The following FAM3B variants were observed in gnomAD, a reference collection of about 807,000 sequenced individuals.
FAM3B encodes FAM3 metabolism regulating signaling molecule B, also known as protein FAM3B.
In FAM3B, 29 loss-of-function variants were observed where a neutral mutation model predicts 28.4. That is an observed-to-expected ratio of 1.02 (90% CI 0.76 to 1.39). FAM3B has a LOEUF of 1.39. Ranked by LOEUF, FAM3B falls within the 40% of genes most tolerant of loss-of-function variation. FAM3B has a pLI of 0.00. For missense variants in FAM3B, 266 were observed against 293.9 expected (o/e 0.91, Z 0.69); for synonymous variants, 91 against 103.0 (o/e 0.88, Z 0.71).
rs2088753189 is a variant in FAM3B, at chr21:41,316,824, G to A, written c.-56G>A. The stretch of plus-strand genomic sequence containing the variant: ...GCCTTCCTGACCCAGGGGCTCCGCT[G>A]GCTGCGGTCGCCTGGGAGCTGCCGC... On this transcript the variant is annotated 5_prime_UTR_variant, in exon 1 of 8. Coordinates refer to ENST00000357985, the MANE Select transcript of FAM3B (RefSeq NM_058186.4). The A allele has an allele frequency of 4.9e-6, 7 of 1,424,964 alleles. 1 individual carries two copies. The Admixed American group carries it at 2.1e-4, about 42-fold the overall frequency. The allele number at this position is 1,424,964 out of a possible 1,614,324, so 88.3% of individuals were successfully genotyped here. A position where few individuals can be genotyped will look rare whatever the true frequency, so the allele number is the denominator to read the frequency against.
At chr21:41,340,591 A>G (rs1011365265) in intron 3 of FAM3B, among the ~76,000 whole-genome samples, 3 of 152,228 alleles carry the variant, frequency 2.0e-5, no homozygotes, top group African/African-American at 7.2e-5. Flanking sequence ...TTGAGAGGTA[A>G]CAAACATTCA....
chr21:41,316,968 CCAACCCTG>C, intron 1 of FAM3B, 70 bp downstream of exon 1: 1 of 1,228,978 alleles, frequency 8.1e-7, no homozygotes, highest in Non-Finnish European at 1.0e-6. Context: ...GCGTCGCTCC[CCAACCCTG>C]CCTGGGACCC....
At chr21:41,332,615 G>A (rs1322373349) in intron 2 of FAM3B, among the ~76,000 whole-genome samples, 1 of 152,078 alleles carries the variant, frequency 6.6e-6, no homozygotes, top group Admixed American at 6.5e-5. Context: ...TCTTTAATTG[G>A]TTGGTAAAAT....
At chr21:41,336,820 A>C (rs2088960182) in intron 2 of FAM3B, among the ~76,000 whole-genome samples, 1 of 152,180 alleles carries the variant, frequency 6.6e-6, no homozygotes, top group Non-Finnish European at 1.5e-5. Flanking sequence ...CTTTATTATC[A>C]TATAATTACC....
At chr21:41,316,663 C>T (rs985634513), upstream of FAM3B, 1 of 316,214 alleles carries the variant, frequency 3.2e-6, no homozygotes, top group Non-Finnish European at 5.7e-6. Context: ...CCGGGCACAG[C>T]CCGGGGCACA....
intron 5 of FAM3B, among the ~76,000 whole-genome samples, chr21:41,346,567 G>A (rs968209172): frequency 2.0e-5 from 3 of 152,242 alleles, no homozygotes; most frequent in Non-Finnish European, 4.4e-5. Flanking sequence ...CTCAGTGGTC[G>A]TGGTGTGGGT....
intron 7 of FAM3B, among the ~76,000 whole-genome samples, chr21:41,355,578 A>G (rs1255448717): frequency 1.3e-5 from 2 of 151,892 alleles, no homozygotes; most frequent in African/African-American, 4.8e-5. Context: ...CAAACAAACA[A>G]ACACAAAAGG....
At chr21:41,333,039 G>A (rs2088920447) in intron 2 of FAM3B, among the ~76,000 whole-genome samples, 1 of 148,744 alleles carries the variant, frequency 6.7e-6, no homozygotes. Context: ...GTTTATGTGA[G>A]ACCTTTTTTT....
At chr21:41,341,937 A>G (rs2089010388) in intron 3 of FAM3B, among the ~76,000 whole-genome samples, 1 of 152,230 alleles carries the variant, frequency 6.6e-6, no homozygotes, top group African/African-American at 2.4e-5. Context: ...ACAGCAAAAG[A>G]CACAGAGCAA....
At chr21:41,332,534 C>T (rs1015585873) in intron 2 of FAM3B, among the ~76,000 whole-genome samples, 1 of 152,134 alleles carries the variant, frequency 6.6e-6, no homozygotes, top group African/African-American at 2.4e-5. Context: ...ATGCTGGCCT[C>T]ATAAAGTGAG....
chr21:41,340,584 A>T (rs2088997169), intron 3 of FAM3B, among the ~76,000 whole-genome samples: 1 of 152,232 alleles, frequency 6.6e-6, no homozygotes, highest in Non-Finnish European at 1.5e-5. Flanking sequence ...CATGAGTTTG[A>T]GAGGTAACAA....
intron 5 of FAM3B, 77 bp downstream of exon 5, chr21:41,345,813 T>A (rs962344197): frequency 2.1e-6 from 2 of 961,552 alleles, no homozygotes; most frequent in East Asian, 2.6e-5. Context: ...AAGAAAAATG[T>A]CAACCATTTT....
intron 7 of FAM3B, 76 bp downstream of exon 7, chr21:41,348,800 G>T: frequency 6.5e-7 from 1 of 1,527,254 alleles, no homozygotes. Flanking sequence ...GTTCCTGGTG[G>T]GTTATAACTC....
At chr21:41,315,333 T>C (rs1159944065), upstream of FAM3B, among the ~76,000 whole-genome samples, 1 of 152,140 alleles carries the variant, frequency 6.6e-6, no homozygotes, top group African/African-American at 2.4e-5. Flanking sequence ...TTTTGCAAGA[T>C]GAAAAAGTTC....
At chr21:41,345,854 T>TC in intron 5 of FAM3B, 118 bp downstream of exon 5, 2 of 693,536 alleles carry the variant, frequency 2.9e-6, no homozygotes, top group Non-Finnish European at 5.2e-6. Flanking sequence ...CGCCAGCAGC[T>TC]CTCCTGAGTA....
intron 7 of FAM3B, among the ~76,000 whole-genome samples, chr21:41,353,583 G>A (rs1242524240): frequency 6.6e-6 from 1 of 152,210 alleles, no homozygotes; most frequent in Non-Finnish European, 1.5e-5. Flanking sequence ...TCAACAAATG[G>A]TATTGGGAAA....
upstream of FAM3B, among the ~76,000 whole-genome samples, chr21:41,313,000 A>G (rs1443591213): frequency 6.6e-6 from 1 of 152,142 alleles, no homozygotes; most frequent in Non-Finnish European, 1.5e-5. Context: ...GGGACCACAG[A>G]TTGTTCATCC....
At chr21:41,331,938 C>A (rs2088909540) in intron 2 of FAM3B, among the ~76,000 whole-genome samples, 1 of 152,152 alleles carries the variant, frequency 6.6e-6, no homozygotes, top group Admixed American at 6.5e-5. Flanking sequence ...TCTGTCCTTG[C>A]AAGGACAGAT....
intron 3 of FAM3B, 145 bp from the exon 4 acceptor site, chr21:41,344,331 G>A (rs1014492736): frequency 1.6e-5 from 11 of 682,874 alleles, no homozygotes; most frequent in African/African-American, 9.0e-5. Flanking sequence ...TGGCGGTCTC[G>A]GGAGCTGCAC....
Sources: gnomAD v4.1 joint callset for allele counts (sites outside exome capture counted in the v4.1 genomes callset) on GRCh38, gnomAD v4.1.1 for gene constraint, MANE v1.5 for transcripts, NCBI Gene and HGNC (gene_info 2026-07-23, HGNC 2026-07-21) for gene names.